DCC: variants seen among roughly 807,000 people sequenced by gnomAD.
The protein encoded by DCC is netrin receptor DCC.
A neutral mutation model predicts 172.5 loss-of-function variants in DCC; 58 were observed. The observed-to-expected ratio is 0.34, with a 90% CI of 0.27 to 0.42. The LOEUF (loss-of-function observed/expected upper bound fraction) is 0.42, where lower values mean the gene tolerates loss of function less well. Ranked by LOEUF, DCC falls within the 10% of genes least tolerant of loss-of-function variation. The pLI, the probability that DCC is intolerant of heterozygous loss-of-function variation, is 1.00. For synonymous variants in DCC, 709 were observed against 644.5 expected, an observed-to-expected ratio of 1.10 and a Z score of -1.52; for missense variants, 1,740 against 1,791.0, an observed-to-expected ratio of 0.97 and a Z score of 0.51.
At chr18:53,521,721 T>C (rs1199123256) in intron 27 of DCC, among the ~76,000 whole-genome samples, 1 of 152,136 alleles carries the variant, frequency 6.6e-6, no homozygotes, top group African/African-American at 2.4e-5. Context: ...TTGCATGTGT[T>C]TGGTTACATA....
In DCC at chr18:53,026,977, C is replaced by T. The variant is rs532132993; in HGVS notation, c.986-36328C>T. On this transcript the variant is annotated intron_variant, in intron 5 of 28. Transcript: ENST00000442544. ...TTGAAAGAATTTGTCTCATCTTTCT[C>T]AGTCATCACAGATTATCCAAAAAAT... Among the ~76,000 whole-genome samples, 5 of 152,186 alleles carry T rather than the reference C, an allele frequency of 3.3e-5. No individual in the cohort carries two copies. The East Asian group carries it at 9.7e-4, about 29-fold the overall frequency.
intron 2 of DCC, among the ~76,000 whole-genome samples, chr18:52,799,181 G>C (rs76210227): frequency 6.6e-6 from 1 of 152,112 alleles, no homozygotes; most frequent in Admixed American, 6.5e-5. Context: ...CATCTAATCC[G>C]TGGCTACTTG....
At chr18:53,244,217 GA>G (rs2144644207) in intron 12 of DCC, among the ~76,000 whole-genome samples, 1 of 152,168 alleles carries the variant, frequency 6.6e-6, no homozygotes, top group South Asian at 2.1e-4. Flanking sequence ...TTATAAATCT[GA>G]AAAATATTTC....
At chr18:52,415,933 C>T (rs952540821) in intron 1 of DCC, among the ~76,000 whole-genome samples, 6 of 152,116 alleles carry the variant, frequency 3.9e-5, no homozygotes, top group Non-Finnish European at 7.4e-5. Flanking sequence ...TATGTTTGCT[C>T]TTGCTTTTCT....
chr18:53,345,906 T>A (rs2057718539), intron 15 of DCC, among the ~76,000 whole-genome samples: 1 of 152,082 alleles, frequency 6.6e-6, no homozygotes, highest in Non-Finnish European at 1.5e-5. Flanking sequence ...TTTTGTTTAC[T>A]GTTTGTCAGA....
At chr18:52,796,024 A>C (rs2037868867) in intron 2 of DCC, among the ~76,000 whole-genome samples, 1 of 144,178 alleles carries the variant, frequency 6.9e-6, no homozygotes, top group Non-Finnish European at 1.5e-5. Flanking sequence ...TTGTCTCTTC[A>C]GTTTTTCATT....
intron 7 of DCC, among the ~76,000 whole-genome samples, chr18:53,092,444 G>T (rs945660439): frequency 6.6e-6 from 1 of 152,086 alleles, no homozygotes; most frequent in African/African-American, 2.4e-5. Context: ...GGTTAGACAT[G>T]GACTTTATAA....
chr18:53,112,233 C>G (rs1353290185), intron 7 of DCC, among the ~76,000 whole-genome samples: 1 of 151,272 alleles, frequency 6.6e-6, no homozygotes, highest in African/African-American at 2.4e-5. Context: ...AATACTTAGC[C>G]TTTATATTAA....
chr18:52,557,104 T>C (rs2032934845), intron 1 of DCC, among the ~76,000 whole-genome samples: 1 of 152,214 alleles, frequency 6.6e-6, no homozygotes, highest in East Asian at 1.9e-4. Flanking sequence ...TAATAAATTA[T>C]ATGCTGTGTA....
At chr18:53,362,289 A>G (rs1462139393) in intron 15 of DCC, among the ~76,000 whole-genome samples, 3 of 152,210 alleles carry the variant, frequency 2.0e-5, no homozygotes, top group African/African-American at 7.2e-5. Flanking sequence ...AAATTTATTT[A>G]AAGAATATTT....
chr18:53,453,051 G>A (rs902036215), intron 23 of DCC, among the ~76,000 whole-genome samples: 4 of 151,874 alleles, frequency 2.6e-5, no homozygotes, highest in Non-Finnish European at 5.9e-5. Flanking sequence ...GAGTAGCTGG[G>A]ACTACAGGTG....
chr18:53,112,312 G>A (rs1281779345), intron 7 of DCC, among the ~76,000 whole-genome samples: 1 of 151,322 alleles, frequency 6.6e-6, no homozygotes, highest in Non-Finnish European at 1.5e-5. Context: ...TGAAAATTAA[G>A]TGAATATATA....
At chr18:53,385,124 C>T (rs74902791) in intron 15 of DCC, among the ~76,000 whole-genome samples, 41,209 of 143,574 alleles carry the variant, frequency 0.29, 6,161 homozygotes, top group East Asian at 0.51. Flanking sequence ...ATTTGTTTTT[C>T]CTGTTCTTTC....
intron 23 of DCC, among the ~76,000 whole-genome samples, chr18:53,456,654 G>A (rs769418372): frequency 3.3e-5 from 5 of 152,284 alleles, no homozygotes; most frequent in Middle Eastern, 3.4e-3. Context: ...CTGCAGTGGG[G>A]CCTGAGAATG....
intron 5 of DCC, among the ~76,000 whole-genome samples, chr18:52,968,233 T>G (rs962345638): frequency 1.3e-5 from 2 of 152,058 alleles, no homozygotes; most frequent in Admixed American, 6.6e-5. Flanking sequence ...GTTGTTAGGG[T>G]AACAGAGGGA....
chr18:52,785,283 CT>C (rs1408516377), intron 2 of DCC, among the ~76,000 whole-genome samples: 1 of 151,988 alleles, frequency 6.6e-6, no homozygotes, highest in African/African-American at 2.4e-5. Flanking sequence ...TGGCATTCAC[CT>C]GTGCAAGCTC....
intron 9 of DCC, among the ~76,000 whole-genome samples, chr18:53,184,014 A>C (rs66974931): frequency 1.4e-5 from 2 of 144,248 alleles, no homozygotes; most frequent in East Asian, 2.0e-4. Context: ...AAAAAAAAAA[A>C]AAAAAAAACT....
chr18:52,371,111 G>GGA (rs1985102842), intron 1 of DCC, among the ~76,000 whole-genome samples: 1 of 151,892 alleles, frequency 6.6e-6, no homozygotes, highest in African/African-American at 2.4e-5. Flanking sequence ...TTAGGGCACT[G>GGA]GAGAGAACAT....
intron 5 of DCC, among the ~76,000 whole-genome samples, chr18:52,992,000 C>T (rs891725787): frequency 1.3e-5 from 2 of 152,168 alleles, no homozygotes; most frequent in East Asian, 1.9e-4. Context: ...TTTGCACTTG[C>T]GCAGCTCTCA....
Sources: allele counts gnomAD v4.1 joint callset (sites outside exome capture counted in the v4.1 genomes callset), GRCh38; gene constraint gnomAD v4.1.1; transcripts MANE v1.5; gene names NCBI Gene and HGNC (gene_info 2026-07-23, HGNC 2026-07-21).